The following GATA4 variants were observed in gnomAD, a reference collection of about 807,000 sequenced individuals.
GATA4 encodes the protein transcription factor GATA-4.
Under a neutral mutation model 37.9 loss-of-function variants are expected in GATA4, and 7 were observed. The ratio of observed to expected loss-of-function variants is 0.18; its 90% CI spans 0.11 to 0.35. GATA4 has a LOEUF of 0.35. Ranked by LOEUF, GATA4 falls within the 10% of genes least tolerant of loss-of-function variation. The pLI is 1.00. For synonymous variants in GATA4, 372 were observed against 292.6 expected (o/e 1.27, Z -2.77); for missense variants, 647 against 653.0 (o/e 0.99, Z 0.10).
chr8:11,736,199 C>G (rs1167807756), intron 2 of GATA4, among the ~76,000 whole-genome samples: 1 of 152,220 alleles, frequency 6.6e-6, no homozygotes, highest in Non-Finnish European at 1.5e-5. Flanking sequence ...GCCACCATGC[C>G]TGGCCTGTTT....
chr8:11,758,076 T>C (rs137987027), intron 6 of GATA4, among the ~76,000 whole-genome samples: 1 of 152,174 alleles, frequency 6.6e-6, no homozygotes, highest in Non-Finnish European at 1.5e-5. Context: ...TAGCCCTGGT[T>C]GTATACTGTG....
intron 3 of GATA4, 86 bp from the exon 4 acceptor site, chr8:11,750,024 GA>G: frequency 6.3e-7 from 1 of 1,598,922 alleles, no homozygotes; most frequent in Non-Finnish European, 8.5e-7. Context: ...TCCCGTTAGG[GA>G]GGCCCAGCTC....
chr8:11,749,200 G>A lies in GATA4; in HGVS notation c.786+115G>A. 1 of 981,286 alleles carries A rather than the reference G, an allele frequency of 1.0e-6. No individual in the cohort carries two copies. The highest frequency in any genetic ancestry group is 1.6e-6 in the Non-Finnish European group (1 of 642,496). The allele number at this position is 981,286 out of a possible 1,614,324, so 60.8% of individuals were successfully genotyped here. ...TGAGGGTGTGCATCGGGGATTACGT[G>A]GGTGAGAGCCCCATAATAATTCTCA... On this transcript the variant is annotated intron_variant, in intron 3 of 6. Coordinates refer to ENST00000532059, the MANE Select transcript of GATA4 (RefSeq NM_001308093.3). This position sits in a 1 kb window ranked among gnomAD's most constrained non-coding sequence, Gnocchi z 4.6.
Position 11,755,142 on chromosome 8 carries a change from A to G in GATA4, c.1000+9A>G, listed in dbSNP as rs1585698876. On this transcript the variant is annotated intron_variant, in intron 5 of 6. Transcript: ENST00000532059. ...ATCTAAGACACCAGCAGGTGAGGAA[A>G]AGATCTGTGAGTGATTATATGAGTA... is the stretch of plus-strand genomic sequence containing the variant. The G allele has an allele frequency of 6.2e-7, 1 of 1,603,616 alleles. No individual in the cohort carries two copies. Among genetic ancestry groups the G allele is most frequent in the Non-Finnish European group, 8.5e-7 (1 of 1,170,664 alleles).
intron 1 of GATA4, among the ~76,000 whole-genome samples, chr8:11,680,314 C>T (rs527362780): frequency 7.0e-4 from 106 of 152,352 alleles, no homozygotes; most frequent in Non-Finnish European, 1.2e-3. Flanking sequence ...CGGAAGATCC[C>T]CGCGGACAGG....
At chr8:11,732,862 G>T (rs894291596) in intron 2 of GATA4, among the ~76,000 whole-genome samples, 1 of 152,138 alleles carries the variant, frequency 6.6e-6, no homozygotes, top group South Asian at 2.1e-4. Flanking sequence ...GAAAACTGCC[G>T]AATATAATAT....
intron 1 of GATA4, among the ~76,000 whole-genome samples, chr8:11,705,547 A>C (rs534983925): frequency 2.0e-5 from 3 of 152,316 alleles, no homozygotes; most frequent in African/African-American, 7.2e-5. Flanking sequence ...TTTGGGGTGA[A>C]CTGGGACAAG....
rs1242712136 is a variant in GATA4 at position 11,759,733 on chromosome 8, G to C, written c.*1258G>C. The C allele has an allele frequency of 1.3e-5, 2 of 152,270 alleles. No homozygotes were observed. The highest frequency in any genetic ancestry group is 4.8e-5 in the African/African-American group (2 of 41,438). 9.4% of individuals were successfully genotyped at this position (152,270 alleles called of 1,614,324 possible). ...TCTGCCCCTGATGCTGGAGCTCAAGGAGACTCCTTCCTCTTTCTCAGCAGA... is the reference window on the plus strand; with the variant it reads ...TCTGCCCCTGATGCTGGAGCTCAAGCAGACTCCTTCCTCTTTCTCAGCAGA... On this transcript the variant is annotated 3_prime_UTR_variant, in exon 7 of 7. Transcript: ENST00000532059.
At chr8:11,704,106 G>A (rs944409561), upstream of GATA4, 1 of 152,372 alleles carries the variant, frequency 6.6e-6, no homozygotes, top group African/African-American at 2.4e-5. Context: ...GTGTAGCCGG[G>A]GCCGCGCACC....
chr8:11,708,552 C>G lies in GATA4; in HGVS notation c.240C>G (p.Pro80=). The G allele has an allele frequency of 1.4e-6, 2 of 1,412,718 alleles. No homozygotes were observed. Among genetic ancestry groups the G allele is most frequent in the East Asian group, 5.9e-5 (2 of 33,696 alleles). 87.5% of individuals were successfully genotyped at this position (1,412,718 alleles called of 1,614,324 possible). The change falls in exon 2 of 7, where the codon CCC becomes CCG. Residue 80 remains proline (P), a synonymous_variant. Coordinates refer to ENST00000532059, the MANE Select transcript of GATA4 (RefSeq NM_001308093.3). This position sits in a 1 kb window ranked among gnomAD's most constrained non-coding sequence, Gnocchi z 6.7. The stretch of plus-strand genomic sequence containing the variant: ...GTGGGGCCGCGTCTGGTGCGGGGCC[C>G]GGGACCCAGCAGGGCAGCCCGGGAT... ...SSGGAASGAG[P]GTQQGSPGWS...
chr8:11,693,916 T>TGTGTGTG, intron 1 of GATA4, among the ~76,000 whole-genome samples: 1 of 149,168 alleles, frequency 6.7e-6, no homozygotes, highest in Non-Finnish European at 1.5e-5. Flanking sequence ...TGTGTGTGCG[T>TGTGTGTG]CTGTGTGCAT....
At chr8:11,705,049 G>T (rs575227794) in intron 1 of GATA4, among the ~76,000 whole-genome samples, 1 of 152,242 alleles carries the variant, frequency 6.6e-6, no homozygotes, top group Non-Finnish European at 1.5e-5. Flanking sequence ...TTGGGCTCAG[G>T]GGTCACCGTG....
chr8:11,750,184 C>A lies in GATA4; in HGVS notation c.860C>A (p.Ala287Glu). ...ACCACCACGCTGTGGCGCCGCAATGCGGAGGGCGAGCCTGTGTGCAATGCC... is the reference window on the plus strand; with the variant it reads ...ACCACCACGCTGTGGCGCCGCAATGAGGAGGGCGAGCCTGTGTGCAATGCC... Reference protein sequence around the residue: ...TTTTTLWRRNAEGEPVCNACG... With the variant: ...TTTTTLWRRNEEGEPVCNACG... The change falls in exon 4 of 7, where the codon GCG (alanine) becomes GAG (glutamate). Residue 287 changes from alanine (A) to glutamate (E), a missense_variant. Physicochemically the swap from Ala to Glu is moderately radical, Grantham distance 107. Coordinates refer to ENST00000532059, the MANE Select transcript of GATA4 (RefSeq NM_001308093.3). The A allele has an allele frequency of 1.2e-6, 2 of 1,613,620 alleles. No individual in the cohort carries two copies. The highest frequency in any genetic ancestry group is 1.7e-5 in the Admixed American group (1 of 60,028).
At chr8:11,692,489 T>G (rs972359588), upstream of GATA4, 32 of 984,476 alleles carry the variant, frequency 3.3e-5, no homozygotes, top group African/African-American at 5.1e-4. Context: ...AATTTTCTCC[T>G]CCCGTGCACA....
chr8:11,708,164 G>A lies in GATA4; in HGVS notation c.-149G>A. 1.5e-5 allele frequency: 13 copies of A among 847,060 alleles called. No homozygotes were observed. In the South Asian group the frequency reaches 1.7e-4, roughly 11 times the overall value. The allele number at this position is 847,060 out of a possible 1,614,324, so 52.5% of individuals were successfully genotyped here. On this transcript the variant is annotated 5_prime_UTR_variant, in exon 2 of 7. Transcript: ENST00000532059. This position sits in a 1 kb window ranked among gnomAD's most constrained non-coding sequence, Gnocchi z 6.7. ...GGATTTAATACGTATATATTTTTAA[G>A]CGAGTTGGTTTTTTCCCCTTTGATT...
At chr8:11,745,776 T>A (rs1802000593) in intron 2 of GATA4, among the ~76,000 whole-genome samples, 1 of 151,990 alleles carries the variant, frequency 6.6e-6, no homozygotes, top group Non-Finnish European at 1.5e-5. Context: ...TTTTTAGGAG[T>A]GTGACTCTAT....
chr8:11,743,678 G>A (rs962034609), intron 2 of GATA4, among the ~76,000 whole-genome samples: 3 of 152,348 alleles, frequency 2.0e-5, no homozygotes, highest in Admixed American at 2.0e-4. Flanking sequence ...CAAGATGGAT[G>A]GAGCAGGTCA....
At chr8:11,703,917 C>G (rs567312549), upstream of GATA4, among the ~76,000 whole-genome samples, 2 of 152,218 alleles carry the variant, frequency 1.3e-5, no homozygotes, top group African/African-American at 4.8e-5. Context: ...AGAAAGGGAA[C>G]TCATTAATAA....
At chr8:11,689,649 G>A (rs535272120), upstream of GATA4, among the ~76,000 whole-genome samples, 16 of 152,310 alleles carry the variant, frequency 1.1e-4, no homozygotes, top group South Asian at 2.9e-3. Context: ...GGTTTTGAAT[G>A]TCTATGACCT....
Sources: allele counts gnomAD v4.1 joint callset (sites outside exome capture counted in the v4.1 genomes callset), GRCh38; gene constraint gnomAD v4.1.1; non-coding constraint Gnocchi (gnomAD v3.1); transcripts MANE v1.5; gene names NCBI Gene and HGNC (gene_info 2026-07-23, HGNC 2026-07-21).